Variants in MSRA observed in about 807,000 individuals in gnomAD.
MSRA encodes the protein methionine sulfoxide reductase A.
In MSRA, 54 loss-of-function variants were observed where a neutral mutation model predicts 31.3. The observed-to-expected ratio is 1.73, with a 90% confidence interval of 1.39 to 2.17. The LOEUF (loss-of-function observed/expected upper bound fraction) is 2.17, where lower values mean the gene tolerates loss of function less well. Ranked by LOEUF, MSRA falls within the 30% of genes most tolerant of loss-of-function variation. The probability of loss-of-function intolerance (pLI) is 0.00; values close to 1 mark genes in which losing one functional copy is unlikely to be tolerated. For missense variants in MSRA, 507 were observed against 300.9 expected, an observed-to-expected ratio of 1.69 and a Z score of -5.07; for synonymous variants, 169 against 116.5, an observed-to-expected ratio of 1.45 and a Z score of -2.90.
rs923129715 is a variant in MSRA, at chr8:10,344,479, C to T, written c.543+24490C>T. Among the ~76,000 whole-genome samples, 3 of 143,382 alleles carry T rather than the reference C, an allele frequency of 2.1e-5. No homozygotes were observed. The Admixed American group carries it at 2.2e-4, about 11-fold the overall frequency. The allele number at this position is 143,382 out of a possible 152,430, so 94.1% of individuals were successfully genotyped here. A position where few individuals can be genotyped will look rare whatever the true frequency, so the allele number is the denominator to read the frequency against. ...GTCCCAGCTACTGGGGAGGCTGAGGCAGGAGAATCGCTTGAACCTGGGAGG... is the reference window on the plus strand; with the variant it reads ...GTCCCAGCTACTGGGGAGGCTGAGGTAGGAGAATCGCTTGAACCTGGGAGG... On this transcript the variant is annotated intron_variant, in intron 5 of 5. Transcript: ENST00000317173.
chr8:10,144,675 T>G (rs1213040048), intron 1 of MSRA, among the ~76,000 whole-genome samples: 1 of 151,406 alleles, frequency 6.6e-6, no homozygotes, highest in Non-Finnish European at 1.5e-5. Context: ...TAATTCTGAT[T>G]GGCTAAATTA....
chr8:10,338,527 G>T (rs890832543), intron 5 of MSRA, among the ~76,000 whole-genome samples: 1 of 152,134 alleles, frequency 6.6e-6, no homozygotes, highest in African/African-American at 2.4e-5. Flanking sequence ...TAAGTGAAGG[G>T]TTGGCTTTGC....
At position 10,428,446 on chromosome 8, in the gene MSRA, C is replaced by G. The variant is rs980641536; in HGVS notation, c.*134C>G. 7 of 988,008 alleles carry G rather than the reference C, an allele frequency of 7.1e-6. No individual in the cohort carries two copies. Among genetic ancestry groups the G allele is most frequent in the South Asian group, 4.6e-5 (3 of 65,440 alleles). The allele number at this position is 988,008 out of a possible 1,614,324, so 61.2% of individuals were successfully genotyped here. A position where few individuals can be genotyped will look rare whatever the true frequency, so the allele number is the denominator to read the frequency against. ...AGGAATTTATACAGATTGGGTTTACCGAAGTATAATCTATAGGAGGCGCGA... is the reference window on the plus strand; with the variant it reads ...AGGAATTTATACAGATTGGGTTTACGGAAGTATAATCTATAGGAGGCGCGA... On this transcript the variant is annotated 3_prime_UTR_variant, in exon 6 of 6. Transcript: ENST00000317173.
chr8:10,372,966 T>A (rs187460674), intron 5 of MSRA, among the ~76,000 whole-genome samples: 8 of 152,340 alleles, frequency 5.3e-5, no homozygotes, highest in African/African-American at 1.9e-4. Context: ...TCGGCCCAAT[T>A]GCAACCTCCG....
chr8:10,102,780 TTCTG>T (rs1276389735), intron 1 of MSRA, among the ~76,000 whole-genome samples: 3 of 152,180 alleles, frequency 2.0e-5, no homozygotes, highest in Non-Finnish European at 4.4e-5. Context: ...ACTCCCTCAT[TTCTG>T]TGAGGTGGGG....
chr8:10,338,767 G>A lies in MSRA; in HGVS notation c.543+18778G>A, dbSNP rs570715837. Among the ~76,000 whole-genome samples the A allele has an allele frequency of 1.4e-4, 22 of 152,330 alleles. 1 individual carries two copies. In the South Asian group the frequency reaches 3.9e-3, roughly 27 times the overall value. ...CTGAAAGCCCCTTTAATGGACTTTTGTGGTGCTTTGGTGATTCATACAACT... is the reference window on the plus strand; with the variant it reads ...CTGAAAGCCCCTTTAATGGACTTTTATGGTGCTTTGGTGATTCATACAACT... On this transcript the variant is annotated intron_variant, in intron 5 of 5. Coordinates refer to ENST00000317173, the MANE Select transcript of MSRA (RefSeq NM_012331.5).
intron 3 of MSRA, among the ~76,000 whole-genome samples, chr8:10,295,024 G>C (rs568513902): frequency 2.0e-5 from 3 of 152,138 alleles, no homozygotes; most frequent in African/African-American, 4.8e-5. Context: ...CCAGCTTGGC[G>C]ATAGATGAGT....
At chr8:10,112,811 G>A (rs997832028) in intron 1 of MSRA, among the ~76,000 whole-genome samples, 6 of 152,164 alleles carry the variant, frequency 3.9e-5, no homozygotes, top group African/African-American at 1.4e-4. Flanking sequence ...AACTTGTCAA[G>A]CTCATGGTGA....
intron 5 of MSRA, among the ~76,000 whole-genome samples, chr8:10,406,061 A>T (rs991458784): frequency 3.9e-5 from 6 of 152,218 alleles, no homozygotes; most frequent in Admixed American, 1.3e-4. Flanking sequence ...TGGGGTCAGA[A>T]CCCATTAGTG....
At chr8:10,091,947 T>G (rs1798880285) in intron 1 of MSRA, among the ~76,000 whole-genome samples, 2 of 152,062 alleles carry the variant, frequency 1.3e-5, no homozygotes, top group South Asian at 4.1e-4. Flanking sequence ...TCCATACTGT[T>G]TTCCATAATG....
intron 5 of MSRA, among the ~76,000 whole-genome samples, chr8:10,410,135 C>G (rs570506758): frequency 6.6e-6 from 1 of 152,344 alleles, no homozygotes; most frequent in African/African-American, 2.4e-5. Flanking sequence ...CCAGGATCTT[C>G]CCATAGTGGT....
intron 1 of MSRA, among the ~76,000 whole-genome samples, chr8:10,185,852 T>G (rs139171025): frequency 2.6e-5 from 4 of 152,144 alleles, no homozygotes; most frequent in Admixed American, 6.5e-5. Flanking sequence ...TCACCCCTTA[T>G]GATTCTCACA....
At chr8:10,213,206 CCCAGCCTTTGGTAA>C (rs1809666131) in intron 2 of MSRA, among the ~76,000 whole-genome samples, 1 of 152,142 alleles carries the variant, frequency 6.6e-6, no homozygotes. Flanking sequence ...ACCTACCCTT[CCCAGCCTTTGGTAA>C]CCATCATTCT....
intron 5 of MSRA, among the ~76,000 whole-genome samples, chr8:10,405,722 C>T (rs978635569): frequency 6.6e-6 from 1 of 152,224 alleles, no homozygotes; most frequent in Admixed American, 6.5e-5. Flanking sequence ...TGTGCTCACA[C>T]ACACAATCAC....
At chr8:10,283,579 C>A (rs1428210355) in intron 3 of MSRA, among the ~76,000 whole-genome samples, 1 of 151,614 alleles carries the variant, frequency 6.6e-6, no homozygotes, top group Non-Finnish European at 1.5e-5. Flanking sequence ...AGTATTTTAT[C>A]TCTCACCCCC....
chr8:10,063,882 C>T (rs1251598083), intron 1 of MSRA, among the ~76,000 whole-genome samples: 1 of 152,128 alleles, frequency 6.6e-6, no homozygotes, highest in Non-Finnish European at 1.5e-5. Flanking sequence ...ATGTTTTTTC[C>T]TTGCAGCCCT....
intron 5 of MSRA, among the ~76,000 whole-genome samples, chr8:10,340,330 C>G (rs774902165): frequency 4.6e-5 from 7 of 152,180 alleles, no homozygotes; most frequent in Non-Finnish European, 8.8e-5. Context: ...TATCCGAATT[C>G]CACGTATGGT....
At chr8:10,281,587 T>G (rs1799625695) in intron 3 of MSRA, among the ~76,000 whole-genome samples, 1 of 152,212 alleles carries the variant, frequency 6.6e-6, no homozygotes, top group Non-Finnish European at 1.5e-5. Flanking sequence ...ACACCGCATA[T>G]AACACAACTT....
chr8:10,166,006 T>A (rs1020924282), intron 1 of MSRA, among the ~76,000 whole-genome samples: 2 of 152,086 alleles, frequency 1.3e-5, no homozygotes, highest in Non-Finnish European at 2.9e-5. Flanking sequence ...GCGTAAAACA[T>A]CTGTGTCCAG....
Sources: gnomAD v4.1 joint callset for allele counts (sites outside exome capture counted in the v4.1 genomes callset) on GRCh38, gnomAD v4.1.1 for gene constraint, MANE v1.5 for transcripts, NCBI Gene and HGNC (gene_info 2026-07-23, HGNC 2026-07-21) for gene names.